THEM5: variants seen among roughly 807,000 people sequenced by gnomAD.
THEM5 encodes the protein acyl-coenzyme A thioesterase THEM5.
In THEM5, 28 loss-of-function variants were observed where a neutral mutation model predicts 24.2. That is an observed-to-expected ratio of 1.16 (90% CI 0.86 to 1.59). The LOEUF (loss-of-function observed/expected upper bound fraction) is 1.59, where lower values mean the gene tolerates loss of function less well. THEM5 is among the 40% of genes most tolerant of loss of function. THEM5 has a pLI of 0.00. For missense variants in THEM5, 260 were observed against 296.8 expected, an observed-to-expected ratio of 0.88 and a Z score of 0.91; for synonymous variants, 87 against 114.5, an observed-to-expected ratio of 0.76 and a Z score of 1.53.
rs1402692359 is a variant in THEM5 at position 151,851,151 on chromosome 1, C to T, written c.366G>A (p.Val122=). The change falls in exon 3 of 6, where the codon GTG becomes GTA. Residue 122 remains valine (V), a synonymous_variant. Coordinates refer to ENST00000368817, the MANE Select transcript of THEM5 (RefSeq NM_182578.4). Reference sequence around the variant, plus strand: ...TGACATACTCAAAGCCTTGTCCTTCCACTTGGATGCACCTGGTGAAGATGC... The same window carrying T: ...TGACATACTCAAAGCCTTGTCCTTCTACTTGGATGCACCTGGTGAAGATGC... ...DCRIFTRCIQ[V]EGQGFEYVIF... 1.9e-6 allele frequency: 3 copies of T among 1,614,188 alleles called. No individual in the cohort carries two copies. The highest frequency in any genetic ancestry group is 2.2e-5 in the East Asian group (1 of 44,890).
At chr1:151,850,991 T>C (rs1461396322) in intron 3 of THEM5, 62 bp downstream of exon 3, 3 of 1,601,952 alleles carry the variant, frequency 1.9e-6, no homozygotes, top group Non-Finnish European at 2.6e-6. Context: ...GCCTGGTGGG[T>C]GCTGAACCTG....
At chr1:151,852,163 G>A (rs1653146564) in intron 2 of THEM5, 95 bp downstream of exon 2, 12 of 1,261,954 alleles carry the variant, frequency 9.5e-6, no homozygotes, top group Middle Eastern at 2.7e-4. Context: ...GGAAGAACTC[G>A]CTGAGAACTG....
rs753519419 is a variant in THEM5 at position 151,848,293 on chromosome 1, C to CT, written c.465-2dup. ...TGCCAGGGACCCGCCGTGAGCAAAC[C>CT]TGGGGGTGGGGTAAGGTGAGGAGCA... On this transcript the variant is annotated splice_acceptor_variant, in intron 3 of 5. Coordinates refer to ENST00000368817, the MANE Select transcript of THEM5 (RefSeq NM_182578.4). LOFTEE classifies it high-confidence loss of function. 2 of 1,613,712 alleles carry CT rather than the reference C, an allele frequency of 1.2e-6. No individual in the cohort carries two copies. Among genetic ancestry groups the CT allele is most frequent in the African/African-American group, 2.7e-5 (2 of 74,908 alleles).
chr1:151,847,605 G>T (rs778975460), intron 5 of THEM5, 133 bp downstream of exon 5: 57 of 1,379,444 alleles, frequency 4.1e-5, no homozygotes, highest in Non-Finnish European at 5.6e-5. Flanking sequence ...TCCCTAGTAG[G>T]TGCCCTATCC....
At position 151,853,648 on chromosome 1, in the gene THEM5, G is replaced by A. The variant is rs757474105; in HGVS notation, c.-83C>T. Reference sequence around the variant, plus strand: ...AGTGCTTTCAGCTGCACTTGGGGCCGCTTCTCTCCCTTCTGTTGCAGGCTT... The same window carrying A: ...AGTGCTTTCAGCTGCACTTGGGGCCACTTCTCTCCCTTCTGTTGCAGGCTT... On this transcript the variant is annotated 5_prime_UTR_variant, in exon 1 of 6. Transcript: ENST00000368817. 6 of 1,468,918 alleles carry A rather than the reference G, an allele frequency of 4.1e-6. No homozygotes were observed. Among genetic ancestry groups the A allele is most frequent in the South Asian group, 2.9e-5 (2 of 69,956 alleles). 91.0% of individuals were successfully genotyped at this position (1,468,918 alleles called of 1,614,324 possible).
rs1196086775 is a variant in THEM5 at position 151,848,226 on chromosome 1, A to G, written c.531T>C (p.Ala177=). ...GACTTAGTGTGAACAGCCCCTCTCCAGCCAGGAAGGCAGTTTTAGAAAAGG... is the reference window on the plus strand; with the variant it reads ...GACTTAGTGTGAACAGCCCCTCTCCGGCCAGGAAGGCAGTTTTAGAAAAGG... ...DETFSKTAFL[A]GEGLFTLSLN... is the part of the protein sequence containing the mutation. Residue 177 remains alanine (A), a synonymous_variant, in exon 4 of 6, where the codon GCT becomes GCC. Coordinates refer to ENST00000368817, the MANE Select transcript of THEM5 (RefSeq NM_182578.4). 1.2e-6 allele frequency: 2 copies of G among 1,614,194 alleles called. No individual in the cohort carries two copies. Among genetic ancestry groups the G allele is most frequent in the Non-Finnish European group, 1.7e-6 (2 of 1,180,028 alleles).
intron 3 of THEM5, among the ~76,000 whole-genome samples, chr1:151,848,901 GC>G (rs1424965292): frequency 1.3e-5 from 2 of 152,228 alleles, no homozygotes; most frequent in African/African-American, 4.8e-5. Flanking sequence ...ATGCTCAAAT[GC>G]CGCAGACATT....
At chr1:151,853,388 T>G in intron 1 of THEM5, 55 bp downstream of exon 1, 1 of 1,584,852 alleles carries the variant, frequency 6.3e-7, no homozygotes, top group Non-Finnish European at 8.6e-7. Context: ...GGGGTGCTCC[T>G]TAAGCCCTAG....
At position 151,847,144 on chromosome 1, in the gene THEM5, C is replaced by A. The variant is rs960728593; in HGVS notation, c.*227G>T. 5.5e-6 allele frequency: 4 copies of A among 732,204 alleles called. No individual in the cohort carries two copies. The African/African-American group carries it at 6.9e-5, about 13-fold the overall frequency. 45.4% of individuals were successfully genotyped at this position (732,204 alleles called of 1,614,324 possible). On this transcript the variant is annotated 3_prime_UTR_variant, in exon 6 of 6. Transcript: ENST00000368817. The stretch of plus-strand genomic sequence containing the variant: ...TTTACTCAGAGAAAAGGGTCCTTTC[C>A]CTCGCCTCACCAATTGCTGCTTGAG...
At chr1:151,852,818 A>G (rs1018333704) in intron 1 of THEM5, among the ~76,000 whole-genome samples, 3 of 152,228 alleles carry the variant, frequency 2.0e-5, no homozygotes, top group African/African-American at 4.8e-5. Flanking sequence ...CTGAGGGAAT[A>G]CGGCCAAGGT....
At chr1:151,848,028 T>G (rs907542470) in intron 4 of THEM5, among the ~76,000 whole-genome samples, 154 bp downstream of exon 4, 1 of 152,168 alleles carries the variant, frequency 6.6e-6, no homozygotes, top group African/African-American at 2.4e-5. Flanking sequence ...CAGCAGAGGC[T>G]GTGTCCTGGC....
chr1:151,853,596 A>G lies in THEM5; in HGVS notation c.-31T>C, dbSNP rs199931804. The G allele has an allele frequency of 5.2e-5, 83 of 1,594,906 alleles. No individual in the cohort carries two copies. In the African/African-American group the frequency reaches 8.7e-4, roughly 17 times the overall value. ...AGTGCAAGGATCCAGCCCTGCTTGG[A>G]TGGAGGGTCTTGGCTGACTCCCAAG... On this transcript the variant is annotated 5_prime_UTR_variant, in exon 1 of 6. Transcript: ENST00000368817.
At position 151,851,037 on chromosome 1, in the gene THEM5, C is replaced by T; in HGVS notation, c.464+16G>A. 1 of 1,613,948 alleles carries T rather than the reference C, an allele frequency of 6.2e-7. No individual in the cohort carries two copies. The highest frequency in any genetic ancestry group is 8.5e-7 in the Non-Finnish European group (1 of 1,179,916). On this transcript the variant is annotated intron_variant, in intron 3 of 5. Transcript: ENST00000368817. ...CCAAGCCCAGGAGGCAGCCAAGGTC[C>T]TACCAGTGACCTTACCCTGGGGGCC...
At chr1:151,848,068 G>T in intron 4 of THEM5, 114 bp downstream of exon 4, 3 of 1,415,362 alleles carry the variant, frequency 2.1e-6, no homozygotes, top group Non-Finnish European at 3.0e-6. Flanking sequence ...TTGGGAGTGG[G>T]CTGGGGAAGG....
chr1:151,852,125 G>C lies in THEM5; in HGVS notation c.325+133C>G. ...CACCCGCCGCCTGTTGCCTGGGGCTGCAGCATCAGGGGTGGAGTTGGACAG... is the reference window on the plus strand; with the variant it reads ...CACCCGCCGCCTGTTGCCTGGGGCTCCAGCATCAGGGGTGGAGTTGGACAG... On this transcript the variant is annotated intron_variant, in intron 2 of 5. Transcript: ENST00000368817. 4.7e-6 allele frequency: 4 copies of C among 845,630 alleles called. No individual in the cohort carries two copies. The South Asian group carries it at 6.3e-5, about 13-fold the overall frequency. The allele number at this position is 845,630 out of a possible 1,614,324, so 52.4% of individuals were successfully genotyped here. A position where few individuals can be genotyped will look rare whatever the true frequency, so the allele number is the denominator to read the frequency against.
intron 2 of THEM5, 77 bp downstream of exon 2, chr1:151,852,181 G>A: frequency 7.1e-7 from 1 of 1,400,696 alleles, no homozygotes; most frequent in South Asian, 1.2e-5. Flanking sequence ...CTGGAAGGCG[G>A]TCTGTGAAGT....
chr1:151,850,993 C>G (rs1371194634), intron 3 of THEM5, 60 bp downstream of exon 3: 10 of 1,603,648 alleles, frequency 6.2e-6, no homozygotes, highest in Middle Eastern at 1.7e-4. Flanking sequence ...CTGGTGGGTG[C>G]TGAACCTGCC....
In THEM5 at chr1:151,851,232, G is replaced by T. The variant is rs778735976; in HGVS notation, c.326-41C>A. The stretch of plus-strand genomic sequence containing the variant: ...CAGTGTTGCAGCCGGAGAAGGGAGG[G>T]TATGGTCAGGATGCAGCACCATTTG... On this transcript the variant is annotated intron_variant, in intron 2 of 5. Coordinates refer to ENST00000368817, the MANE Select transcript of THEM5 (RefSeq NM_182578.4). 3.1e-6 allele frequency: 5 copies of T among 1,613,530 alleles called. No individual in the cohort carries two copies. In the South Asian group the frequency reaches 3.3e-5, roughly 11 times the overall value.
chr1:151,849,772 A>G (rs957144868), intron 3 of THEM5, among the ~76,000 whole-genome samples: 2 of 152,184 alleles, frequency 1.3e-5, no homozygotes, highest in African/African-American at 4.8e-5. Flanking sequence ...CCCATTGGCC[A>G]GTATGTGGAT....
Sources: allele counts gnomAD v4.1 joint callset (sites outside exome capture counted in the v4.1 genomes callset), GRCh38; gene constraint gnomAD v4.1.1; transcripts MANE v1.5; gene names NCBI Gene and HGNC (gene_info 2026-07-23, HGNC 2026-07-21).